CLEC20A: variants seen among roughly 807,000 people sequenced by gnomAD.
CLEC20A encodes the protein C-type lectin domain containing 20A, also known as putative C-type lectin domain family 20 member A.
chr1:178,482,016 G>C (rs1381088636), intron 7 of CLEC20A: 1 of 250,614 alleles, frequency 4.0e-6, no homozygotes, highest in East Asian at 6.9e-5. Context: ...ATGGATAAGG[G>C]CAAAACTAAG....
rs1293751799 is a variant in CLEC20A at position 178,496,887 on chromosome 1, TG to T, written c.40+12del. 7 of 398,520 alleles carry T rather than the reference TG, an allele frequency of 1.8e-5. No homozygotes were observed. Among genetic ancestry groups the T allele is most frequent in the Admixed American group, 4.4e-5 (1 of 22,704 alleles). The allele number at this position is 398,520 out of a possible 1,614,324, so 24.7% of individuals were successfully genotyped here. ...TGGAGCCAGGCACCCTCCTCCAGGT[TG>T]GGGGGCCTCACCTGCTGCGCAGAAG... On this transcript the variant is annotated intron_variant, in intron 1 of 7. Transcript: ENST00000623247.
intron 7 of CLEC20A, chr1:178,482,049 C>T: frequency 3.4e-6 from 1 of 295,430 alleles, no homozygotes; most frequent in Non-Finnish European, 6.2e-6. Flanking sequence ...ATCCCTCTGA[C>T]CGTGCTGTCT....
chr1:178,490,113 G>C lies in CLEC20A; in HGVS notation c.788C>G (p.Ser263Ter), dbSNP rs1649236970. 1.5e-5 allele frequency: 6 copies of C among 398,654 alleles called. No homozygotes were observed. The South Asian group carries it at 7.6e-4, about 51-fold the overall frequency. 24.7% of individuals were successfully genotyped at this position (398,654 alleles called of 1,614,324 possible). A position where few individuals can be genotyped will look rare whatever the true frequency, so the allele number is the denominator to read the frequency against. The change falls in exon 4 of 8, where the codon TCA (serine) becomes TGA (stop). Residue 263 changes from serine to a stop codon, truncating the protein, a stop_gained. Coordinates refer to ENST00000623247, the Ensembl canonical transcript of CLEC20A. LOFTEE classifies it high-confidence loss of function. ...GGGCAGCAGGGAAGAGCAGTTCACTGAGTACACTTTTGGGGAGTAGGTCAT... is the reference window on the plus strand; with the variant it reads ...GGGCAGCAGGGAAGAGCAGTTCACTCAGTACACTTTTGGGGAGTAGGTCAT...
intron 4 of CLEC20A, among the ~76,000 whole-genome samples, chr1:178,488,997 A>G (rs1041065479): frequency 5.9e-5 from 9 of 152,150 alleles, no homozygotes. Context: ...AAAATGTCCT[A>G]AAATCAGATT....
At chr1:178,490,990 C>G (rs1649254505) in intron 3 of CLEC20A, among the ~76,000 whole-genome samples, 1 of 152,178 alleles carries the variant, frequency 6.6e-6, no homozygotes, top group Non-Finnish European at 1.5e-5. Context: ...CCTAGACTCA[C>G]CGTGCCTGGA....
chr1:178,497,246 T>G, upstream of CLEC20A: 1 of 323,968 alleles, frequency 3.1e-6, no homozygotes, highest in Non-Finnish European at 5.6e-6. Context: ...GTTTTTCTCT[T>G]ACCTTCTCCT....
intron 5 of CLEC20A, among the ~76,000 whole-genome samples, chr1:178,486,220 G>A (rs1649138382): frequency 6.6e-6 from 1 of 152,172 alleles, no homozygotes; most frequent in South Asian, 2.1e-4. Context: ...GGCCAGACAG[G>A]ACCCCTGTAG....
chr1:178,490,726 C>T (rs1193737592), intron 3 of CLEC20A, among the ~76,000 whole-genome samples: 1 of 152,190 alleles, frequency 6.6e-6, no homozygotes. Context: ...ATTTCTTCAT[C>T]TATACAATGG....
intron 7 of CLEC20A, chr1:178,482,071 A>T (rs1251163862): frequency 2.9e-6 from 1 of 341,616 alleles, no homozygotes; most frequent in East Asian, 4.2e-5. Context: ...GACCAAAAAA[A>T]AACAAAAAAA....
upstream of CLEC20A, among the ~76,000 whole-genome samples, chr1:178,498,565 GGGAGACAGGGCGAGA>G (rs987128959): frequency 1.6e-4 from 24 of 152,266 alleles, no homozygotes; most frequent in African/African-American, 5.3e-4. Context: ...ACTCCAGCCT[GGGAGACAGGGCGAGA>G]CCCTGTCTCT....
chr1:178,486,870 G>T (rs943600928), intron 5 of CLEC20A: 45 of 398,330 alleles, frequency 1.1e-4, no homozygotes, highest in African/African-American at 8.6e-4. Flanking sequence ...CCGGGGCCGC[G>T]AGGTTGGCCG....
At chr1:178,488,398 T>A in intron 5 of CLEC20A, 103 bp downstream of exon 5, 1 of 397,648 alleles carries the variant, frequency 2.5e-6, no homozygotes, top group Non-Finnish European at 4.4e-6. Flanking sequence ...TTTCTAGGCA[T>A]ACACTGGCCC....
chr1:178,488,757 A>G (rs1165248445), intron 4 of CLEC20A, among the ~76,000 whole-genome samples, 158 bp from the exon 5 acceptor site: 1 of 152,248 alleles, frequency 6.6e-6, no homozygotes, highest in Non-Finnish European at 1.5e-5. Context: ...CAATCCCTGC[A>G]GGAGACACAT....
upstream of CLEC20A, among the ~76,000 whole-genome samples, chr1:178,498,971 A>G (rs975566150): frequency 6.6e-6 from 1 of 152,210 alleles, no homozygotes; most frequent in African/African-American, 2.4e-5. Flanking sequence ...TGCTTGTGTC[A>G]GGGCCTCCCA....
chr1:178,488,252 C>G lies in CLEC20A; in HGVS notation c.928+249G>C, dbSNP rs552826541. On this transcript the variant is annotated intron_variant, in intron 5 of 7. Transcript: ENST00000623247. Reference sequence around the variant, plus strand: ...GCCCTGGAGCTGCAAGTTCAGTGGCCCAATTCCAGGAAAAGGGAGTTTGAT... The same window carrying G: ...GCCCTGGAGCTGCAAGTTCAGTGGCGCAATTCCAGGAAAAGGGAGTTTGAT... 2.0e-5 allele frequency among the ~76,000 whole-genome samples: 3 copies of G among 152,338 alleles called. No homozygotes were observed. The South Asian group carries it at 6.2e-4, about 32-fold the overall frequency.
intron 3 of CLEC20A, among the ~76,000 whole-genome samples, chr1:178,491,292 C>A (rs1489124209): frequency 1.3e-5 from 2 of 152,144 alleles, no homozygotes; most frequent in Non-Finnish European, 2.9e-5. Context: ...GCATTGATTC[C>A]GGAGGCCCGG....
At chr1:178,483,428 G>A (rs1404775371) in intron 5 of CLEC20A, 146 bp from the exon 6 acceptor site, 1 of 394,182 alleles carries the variant, frequency 2.5e-6, no homozygotes, top group Non-Finnish European at 4.5e-6. Flanking sequence ...GATGTGGGAA[G>A]CTCAATTCCT....
chr1:178,482,514 A>C (rs1469303178), intron 6 of CLEC20A, 117 bp from the exon 7 acceptor site: 1 of 396,310 alleles, frequency 2.5e-6, no homozygotes, highest in Admixed American at 4.4e-5. Context: ...TTGGGATTTC[A>C]AGAAGAAGAA....
chr1:178,496,524 T>C (rs891040704), intron 1 of CLEC20A: 2 of 213,750 alleles, frequency 9.4e-6, no homozygotes, highest in African/African-American at 4.6e-5. Context: ...CGCCCCCTGG[T>C]CCACAGACCC....
Sources: gnomAD v4.1 joint callset for allele counts (sites outside exome capture counted in the v4.1 genomes callset) on GRCh38, gnomAD v4.1.1 for gene constraint, MANE v1.5 for transcripts, NCBI Gene and HGNC (gene_info 2026-07-23, HGNC 2026-07-21) for gene names.